COL21A1: variants seen among roughly 807,000 people sequenced by gnomAD.
COL21A1 encodes the protein collagen type XXI alpha 1 chain.
A neutral mutation model predicts 137.9 loss-of-function variants in COL21A1; 149 were observed. That is an observed-to-expected ratio of 1.08 (90% CI 0.95 to 1.24). The LOEUF (loss-of-function observed/expected upper bound fraction) is 1.24. Ranked by LOEUF, COL21A1 falls within the 50% of genes most tolerant of loss-of-function variation. The pLI is 0.00. For synonymous variants in COL21A1, 456 were observed against 391.5 expected (o/e 1.16, Z -1.95); for missense variants, 1,167 against 1,158.4 (o/e 1.01, Z -0.11).
intron 10 of COL21A1, among the ~76,000 whole-genome samples, chr6:56,150,516 A>ACT (rs1775224773): frequency 8.6e-6 from 1 of 116,352 alleles, no homozygotes; most frequent in East Asian, 2.5e-4. Flanking sequence ...AGACTCCATC[A>ACT]CACACACACA....
At chr6:56,244,417 C>T (rs1782529161) in intron 1 of COL21A1, among the ~76,000 whole-genome samples, 1 of 152,120 alleles carries the variant, frequency 6.6e-6, no homozygotes, top group South Asian at 2.1e-4. Flanking sequence ...CTCCATTTTT[C>T]CCAACAACAG....
chr6:56,154,338 T>G (rs1169132391), intron 10 of COL21A1, among the ~76,000 whole-genome samples: 2 of 152,204 alleles, frequency 1.3e-5, no homozygotes, highest in Non-Finnish European at 2.9e-5. Context: ...TTACTTAGTC[T>G]GTGGCATTCT....
At position 56,371,179 on chromosome 6, in the gene COL21A1, T is replaced by C. The variant is rs148192111; in HGVS notation, c.-39+22792A>G. Among the ~76,000 whole-genome samples, 462 of 152,270 alleles carry C rather than the reference T, an allele frequency of 3.0e-3. 4 individuals are homozygous for C. The highest frequency in any genetic ancestry group is 0.01 in the African/African-American group (422 of 41,544). ...AAGCTTCAAGAGAAGTTAAATGCCA[T>C]CAAGTTGCTGTTTGAAAAGTTAAAA... On this transcript the variant is annotated intron_variant, in intron 1 of 28. Transcript: ENST00000370819.
At chr6:56,314,564 C>T (rs80071841) in intron 1 of COL21A1, among the ~76,000 whole-genome samples, 1 of 152,054 alleles carries the variant, frequency 6.6e-6, no homozygotes, top group African/African-American at 2.4e-5. Flanking sequence ...AATCTTGGAG[C>T]TTTTTTCCTC....
intron 1 of COL21A1, among the ~76,000 whole-genome samples, chr6:56,198,922 T>C (rs905534383): frequency 6.6e-6 from 1 of 152,068 alleles, no homozygotes; most frequent in Non-Finnish European, 1.5e-5. Context: ...AATTAAAACA[T>C]GAGTTTTCTT....
chr6:56,298,252 C>T (rs1764203884), intron 1 of COL21A1, among the ~76,000 whole-genome samples: 1 of 152,048 alleles, frequency 6.6e-6, no homozygotes, highest in East Asian at 1.9e-4. Flanking sequence ...TGTGAGCCAA[C>T]AGGTTTGCAG....
At chr6:56,119,532 T>C (rs987567287) in intron 16 of COL21A1, among the ~76,000 whole-genome samples, 1 of 152,118 alleles carries the variant, frequency 6.6e-6, no homozygotes, top group Non-Finnish European at 1.5e-5. Flanking sequence ...ACCAATGACA[T>C]TCTTCAGAAA....
chr6:56,310,321 A>T (rs1582772132), intron 1 of COL21A1, among the ~76,000 whole-genome samples: 1 of 152,162 alleles, frequency 6.6e-6, no homozygotes, highest in African/African-American at 2.4e-5. Context: ...GGGTCTCAAC[A>T]CCAGCCGCAC....
intron 1 of COL21A1, among the ~76,000 whole-genome samples, chr6:56,200,989 C>T (rs1476379824): frequency 2.6e-5 from 4 of 152,106 alleles, no homozygotes; most frequent in South Asian, 2.1e-4. Context: ...TTTTAATGAT[C>T]GCCATTCTCA....
intron 10 of COL21A1, among the ~76,000 whole-genome samples, chr6:56,144,628 C>T (rs1250913952): frequency 6.6e-6 from 1 of 152,188 alleles, no homozygotes; most frequent in Non-Finnish European, 1.5e-5. Flanking sequence ...GCTGTCTCTC[C>T]TCTTCGAAGA....
Position 56,119,591 on chromosome 6 carries a change from A to C in COL21A1, c.1758+4471T>G, listed in dbSNP as rs114124465. Among the ~76,000 whole-genome samples, 1,222 of 152,258 alleles carry C rather than the reference A, an allele frequency of 8.0e-3. 15 individuals are homozygous for C. Among genetic ancestry groups the C allele is most frequent in the African/African-American group, 0.028 (1,165 of 41,566 alleles). On this transcript the variant is annotated intron_variant, in intron 16 of 29. Transcript: ENST00000244728. ...TTATATGGAATCACCAAAGACCCAG[A>C]ATGGCCAAAGCTATCCTAAGCATAA...
chr6:56,361,088 C>T (rs530420856), intron 1 of COL21A1, among the ~76,000 whole-genome samples: 8 of 147,994 alleles, frequency 5.4e-5, no homozygotes, highest in Admixed American at 2.7e-4. Flanking sequence ...AGCAAGACTC[C>T]GTCTCAATCA....
intron 17 of COL21A1, among the ~76,000 whole-genome samples, chr6:56,082,520 T>C (rs902084015): frequency 6.6e-6 from 1 of 151,954 alleles, no homozygotes; most frequent in Non-Finnish European, 1.5e-5. Context: ...AAACAAATTA[T>C]GGTCAATTTC....
At chr6:56,214,250 A>G (rs1780351945) in intron 1 of COL21A1, among the ~76,000 whole-genome samples, 1 of 152,094 alleles carries the variant, frequency 6.6e-6, no homozygotes, top group Non-Finnish European at 1.5e-5. Flanking sequence ...GTTGCAATCC[A>G]ACTTAAGTTG....
chr6:56,097,848 T>TATATAA (rs1393157064), intron 17 of COL21A1, among the ~76,000 whole-genome samples: 6,319 of 26,790 alleles, frequency 0.24, 1,649 homozygotes, highest in East Asian at 0.6. Flanking sequence ...AATATATAAA[T>TATATAA]ATATATAAAT....
intron 1 of COL21A1, among the ~76,000 whole-genome samples, chr6:56,393,320 A>T (rs1400132258): frequency 6.6e-6 from 1 of 152,214 alleles, no homozygotes; most frequent in Non-Finnish European, 1.5e-5. Context: ...ACTTGACCCC[A>T]TCTCTTTCGA....
chr6:56,319,957 C>G (rs1356533209), intron 1 of COL21A1, among the ~76,000 whole-genome samples: 1 of 152,100 alleles, frequency 6.6e-6, no homozygotes, highest in Non-Finnish European at 1.5e-5. Flanking sequence ...TATCTGGTTA[C>G]TTGTGGCTTC....
At chr6:56,088,181 T>C (rs1315424028) in intron 17 of COL21A1, among the ~76,000 whole-genome samples, 1 of 152,080 alleles carries the variant, frequency 6.6e-6, no homozygotes, top group Non-Finnish European at 1.5e-5. Flanking sequence ...CTGGCCAACA[T>C]GGTGAAACCC....
chr6:56,338,255 T>C (rs73448990), intron 1 of COL21A1, among the ~76,000 whole-genome samples: 23,690 of 152,080 alleles, frequency 0.16, 2,480 homozygotes, highest in African/African-American at 0.3. Context: ...TGAGGGGTTT[T>C]TTCTTTTATG....
Sources: gnomAD v4.1 joint callset for allele counts (sites outside exome capture counted in the v4.1 genomes callset) on GRCh38, gnomAD v4.1.1 for gene constraint, MANE v1.5 for transcripts, NCBI Gene and HGNC (gene_info 2026-07-23, HGNC 2026-07-21) for gene names.